The following NBEA variants were observed in gnomAD, a reference collection of about 807,000 sequenced individuals.
The protein encoded by NBEA is lysosomal-trafficking regulator 2.
Under a neutral mutation model 343.4 loss-of-function variants are expected in NBEA, and 44 were observed. That is an observed-to-expected ratio of 0.13 (90% CI 0.10 to 0.16). NBEA has a LOEUF of 0.16. Among genes scored for constraint, NBEA ranks in the 10% least tolerant of loss-of-function variants. NBEA has a pLI of 1.00. For synonymous variants in NBEA, 1,175 were observed against 1,238.7 expected (o/e 0.95, Z 1.08); for missense variants, 2,555 against 3,631.3 (o/e 0.70, Z 7.62).
At chr13:34,961,617 C>T (rs2059664645) in intron 1 of NBEA, among the ~76,000 whole-genome samples, 1 of 152,036 alleles carries the variant, frequency 6.6e-6, no homozygotes, top group South Asian at 2.1e-4. Context: ...TAAAGCTAGG[C>T]ACTTCGGATA....
At chr13:35,562,747 G>A (rs1011738076) in intron 44 of NBEA, among the ~76,000 whole-genome samples, 2 of 152,056 alleles carry the variant, frequency 1.3e-5, no homozygotes, top group Non-Finnish European at 2.9e-5. Context: ...CAAAATGTCT[G>A]TAAAGTGTGA....
intron 47 of NBEA, among the ~76,000 whole-genome samples, chr13:35,599,980 T>A (rs2081975531): frequency 6.6e-6 from 1 of 152,176 alleles, no homozygotes; most frequent in African/African-American, 2.4e-5. Flanking sequence ...ATAACCATAT[T>A]CAGAAAATAT....
At chr13:35,336,411 A>G (rs2039264287) in intron 36 of NBEA, among the ~76,000 whole-genome samples, 1 of 152,118 alleles carries the variant, frequency 6.6e-6, no homozygotes, top group Non-Finnish European at 1.5e-5. Context: ...AGATATGCTT[A>G]TACACTATTG....
intron 35 of NBEA, among the ~76,000 whole-genome samples, chr13:35,299,254 AT>A (rs2036371405): frequency 6.6e-6 from 1 of 152,038 alleles, no homozygotes; most frequent in Admixed American, 6.6e-5. Context: ...TTTCCTTGTA[AT>A]TTTTTTATAT....
chr13:35,459,125 G>A (rs2046771045), intron 40 of NBEA, among the ~76,000 whole-genome samples: 2 of 150,674 alleles, frequency 1.3e-5, no homozygotes, highest in Admixed American at 6.7e-5. Context: ...CTACTAAAAG[G>A]CTCTCTGAAG....
intron 1 of NBEA, among the ~76,000 whole-genome samples, chr13:35,004,975 A>G (rs1487813709): frequency 6.6e-6 from 1 of 152,132 alleles, no homozygotes; most frequent in African/African-American, 2.4e-5. Flanking sequence ...TGATGACAGT[A>G]TTTTGCCAGT....
intron 41 of NBEA, among the ~76,000 whole-genome samples, chr13:35,478,359 T>C (rs2152963974): frequency 6.6e-6 from 1 of 152,262 alleles, no homozygotes; most frequent in East Asian, 1.9e-4. Context: ...CACTTTGCCG[T>C]CATCGCGGGT....
chr13:35,258,655 T>G (rs1377808402), intron 34 of NBEA, among the ~76,000 whole-genome samples: 1 of 152,284 alleles, frequency 6.6e-6, no homozygotes, highest in East Asian at 1.9e-4. Flanking sequence ...ATTTAGATAC[T>G]GTTGATAATG....
At chr13:35,461,229 T>G (rs534235275) in intron 40 of NBEA, among the ~76,000 whole-genome samples, 7 of 152,298 alleles carry the variant, frequency 4.6e-5, no homozygotes, top group African/African-American at 1.7e-4. Context: ...ATAATTTGCA[T>G]TTTTTGTTAA....
intron 41 of NBEA, among the ~76,000 whole-genome samples, chr13:35,525,975 G>A (rs562348873): frequency 6.6e-5 from 10 of 152,162 alleles, no homozygotes; most frequent in Non-Finnish European, 1.2e-4. Flanking sequence ...GGAGAGACAC[G>A]AACGTTCGGA....
chr13:35,408,183 A>G (rs191333136), intron 38 of NBEA, among the ~76,000 whole-genome samples: 86 of 152,308 alleles, frequency 5.6e-4, no homozygotes, highest in Admixed American at 9.2e-4. Flanking sequence ...GGAACAGAAT[A>G]CAGAACCCAG....
intron 2 of NBEA, among the ~76,000 whole-genome samples, chr13:35,042,104 C>G (rs2062674429): frequency 6.6e-6 from 1 of 151,430 alleles, no homozygotes; most frequent in Non-Finnish European, 1.5e-5. Context: ...AAACATTAAA[C>G]AAGAATGGAA....
Position 35,237,935 on chromosome 13 carries a change from T to C in NBEA, c.5776+5316T>C, listed in dbSNP as rs138744370. ...TAGTTAGCTTGTGATTGTATCATTC[T>C]AGAACAATGTAGTTCACCTTTTAAG... On this transcript the variant is annotated intron_variant, in intron 34 of 58. Coordinates refer to ENST00000379939, the MANE Select transcript of NBEA (RefSeq NM_001385012.1). Among the ~76,000 whole-genome samples the C allele has an allele frequency of 2.5e-3, 379 of 152,316 alleles. 2 individuals carry two copies. The highest frequency in any genetic ancestry group is 8.4e-3 in the African/African-American group (350 of 41,570).
intron 31 of NBEA, among the ~76,000 whole-genome samples, chr13:35,200,753 A>G (rs1317952810): frequency 6.6e-6 from 1 of 151,968 alleles, no homozygotes; most frequent in Non-Finnish European, 1.5e-5. Flanking sequence ...TTTGTAAATA[A>G]TATAGGGCCA....
chr13:35,172,495 C>A (rs1287360132), intron 26 of NBEA, among the ~76,000 whole-genome samples: 2 of 151,800 alleles, frequency 1.3e-5, no homozygotes, highest in Non-Finnish European at 2.9e-5. Flanking sequence ...TATCTTGAAA[C>A]CTGCATTTAT....
intron 49 of NBEA, among the ~76,000 whole-genome samples, chr13:35,630,055 A>G (rs1017372184): frequency 4.8e-5 from 7 of 144,662 alleles, no homozygotes; most frequent in Non-Finnish European, 1.1e-4. Flanking sequence ...TAAACACAAA[A>G]TAAAATAAAT....
chr13:35,165,812 G>A (rs1398642720), intron 24 of NBEA, among the ~76,000 whole-genome samples: 1 of 151,406 alleles, frequency 6.6e-6, no homozygotes, highest in African/African-American at 2.4e-5. Context: ...AGCCTCCCAA[G>A]TAGCTGGGAT....
intron 29 of NBEA, 47 bp from the exon 30 acceptor site, chr13:35,183,929 G>A (rs750329619): frequency 7.1e-7 from 1 of 1,402,764 alleles, no homozygotes; most frequent in Admixed American, 1.8e-5. Context: ...CCATGTGGCA[G>A]GTTGTTACAT....
At chr13:34,949,864 C>T (rs1309599574) in intron 1 of NBEA, among the ~76,000 whole-genome samples, 2 of 151,898 alleles carry the variant, frequency 1.3e-5, no homozygotes, top group Non-Finnish European at 2.9e-5. Context: ...TTTTTTCACC[C>T]TCTGGTAAGG....
Sources: gnomAD v4.1 joint callset for allele counts (sites outside exome capture counted in the v4.1 genomes callset) on GRCh38, gnomAD v4.1.1 for gene constraint, MANE v1.5 for transcripts, NCBI Gene and HGNC (gene_info 2026-07-23, HGNC 2026-07-21) for gene names.